The following CNTNAP5 variants were observed in gnomAD, a reference collection of about 807,000 sequenced individuals.
CNTNAP5 encodes contactin associated protein family member 5.
A neutral mutation model predicts 150.2 loss-of-function variants in CNTNAP5; 72 were observed. The ratio of observed to expected loss-of-function variants is 0.48; its 90% confidence interval spans 0.40 to 0.58. The LOEUF is 0.58. Ranked by LOEUF, CNTNAP5 falls within the 20% of genes least tolerant of loss-of-function variation. The pLI is 0.00. For synonymous variants in CNTNAP5, 672 were observed against 619.8 expected (o/e 1.08, Z -1.25); for missense variants, 1,636 against 1,626.2 (o/e 1.01, Z -0.10).
At chr2:124,536,770 G>A (rs1035009291) in intron 10 of CNTNAP5, among the ~76,000 whole-genome samples, 4 of 152,168 alleles carry the variant, frequency 2.6e-5, no homozygotes, top group Middle Eastern at 3.4e-3. Context: ...TGGATTTACG[G>A]GGGTCAAGGA....
intron 3 of CNTNAP5, among the ~76,000 whole-genome samples, chr2:124,410,083 A>T (rs3097575): frequency 0.35 from 52,414 of 151,904 alleles, 10,413 homozygotes; most frequent in African/African-American, 0.54. Context: ...TTGCCATCCT[A>T]GTCTCTGATA....
At chr2:124,677,782 G>C (rs949604784) in intron 13 of CNTNAP5, among the ~76,000 whole-genome samples, 7 of 151,836 alleles carry the variant, frequency 4.6e-5, no homozygotes, top group Non-Finnish European at 7.3e-5. Context: ...GTGCTGATTG[G>C]TGCGTTTACA....
chr2:124,566,740 C>G lies in CNTNAP5; in HGVS notation c.1756+3417C>G, dbSNP rs1015386373. Among the ~76,000 whole-genome samples the G allele has an allele frequency of 3.9e-5, 6 of 152,240 alleles. No individual in the cohort carries two copies. In the East Asian group the frequency reaches 1.2e-3, roughly 29 times the overall value. On this transcript the variant is annotated intron_variant, in intron 11 of 23. Transcript: ENST00000682447. ...TTTGTCCTCCCTCTAACTAATTTCC[C>G]CCTCCCCCAGTTGAATGAGGACCAT...
At chr2:124,667,487 G>A in intron 13 of CNTNAP5, among the ~76,000 whole-genome samples, 1 of 152,218 alleles carries the variant, frequency 6.6e-6, no homozygotes, top group East Asian at 1.9e-4. Flanking sequence ...TTTGGTCAAG[G>A]TAAGTATAAT....
intron 11 of CNTNAP5, among the ~76,000 whole-genome samples, chr2:124,608,799 G>T (rs1440979110): frequency 6.6e-6 from 1 of 151,978 alleles, no homozygotes; most frequent in Non-Finnish European, 1.5e-5. Flanking sequence ...ATAAAAATTA[G>T]CTGGGCGTGG....
At chr2:124,585,669 CTT>C (rs33978614) in intron 11 of CNTNAP5, among the ~76,000 whole-genome samples, 2 of 66,408 alleles carry the variant, frequency 3.0e-5, no homozygotes, top group Admixed American at 1.9e-4. Context: ...GAGCTTGAAG[CTT>C]TTTTTTTTTT....
At chr2:124,620,241 T>A (rs1677583183) in intron 12 of CNTNAP5, among the ~76,000 whole-genome samples, 1 of 152,106 alleles carries the variant, frequency 6.6e-6, no homozygotes, top group Non-Finnish European at 1.5e-5. Context: ...AATTTCTATC[T>A]TTCCCGTTTT....
intron 19 of CNTNAP5, among the ~76,000 whole-genome samples, chr2:124,847,727 G>C (rs191774359): frequency 1.2e-4 from 19 of 152,232 alleles, no homozygotes; most frequent in African/African-American, 4.6e-4. Context: ...CCAAGTGGCG[G>C]CTGCAAGCTA....
At chr2:124,665,747 G>A (rs4848964) in intron 13 of CNTNAP5, among the ~76,000 whole-genome samples, 46,462 of 151,762 alleles carry the variant, frequency 0.31, 7,819 homozygotes, top group Non-Finnish European at 0.38. Context: ...TTAGCCGGGC[G>A]TGGTGGCGGG....
rs1678848979 is a variant in CNTNAP5 at position 124,920,337 on chromosome 2, C to T, written c.*6049C>T. Among the ~76,000 whole-genome samples the T allele has an allele frequency of 6.6e-6, 1 of 152,044 alleles. No homozygotes were observed. The highest frequency in any genetic ancestry group is 1.5e-5 in the Non-Finnish European group (1 of 68,008). ...TGAAAGGCTTTCTCTTTCAAGAAAC[C>T]TTGAAGGGAAAATATTAACGGGCAT... is the stretch of plus-strand genomic sequence containing the variant. On this transcript the variant is annotated 3_prime_UTR_variant, in exon 24 of 24. Coordinates refer to ENST00000682447, the MANE Select transcript of CNTNAP5 (RefSeq NM_001367498.1).
intron 3 of CNTNAP5, among the ~76,000 whole-genome samples, chr2:124,295,370 G>A (rs1688398095): frequency 6.6e-6 from 1 of 152,132 alleles, no homozygotes; most frequent in East Asian, 1.9e-4. Flanking sequence ...CTCAGTTTCA[G>A]CCTTGTATGC....
chr2:124,316,947 G>A (rs1463143797), intron 3 of CNTNAP5, among the ~76,000 whole-genome samples: 32 of 151,918 alleles, frequency 2.1e-4, no homozygotes, highest in Admixed American at 1.9e-3. Context: ...ACTGTATGAG[G>A]TAGGTACAGC....
intron 3 of CNTNAP5, among the ~76,000 whole-genome samples, chr2:124,356,694 T>A (rs1690019355): frequency 6.6e-6 from 1 of 152,114 alleles, no homozygotes; most frequent in Admixed American, 6.5e-5. Flanking sequence ...ATTTTCTTAA[T>A]CCAGCCTATC....
intron 17 of CNTNAP5, among the ~76,000 whole-genome samples, chr2:124,774,793 C>A (rs1365748619): frequency 6.6e-6 from 1 of 152,054 alleles, no homozygotes; most frequent in Non-Finnish European, 1.5e-5. Context: ...AATTTTTTAC[C>A]CTTTCATGCA....
At chr2:124,601,488 A>G (rs1024124345) in intron 11 of CNTNAP5, among the ~76,000 whole-genome samples, 4 of 152,236 alleles carry the variant, frequency 2.6e-5, no homozygotes, top group African/African-American at 9.6e-5. Context: ...GCACTATTAC[A>G]TGAAATGTAA....
intron 1 of CNTNAP5, among the ~76,000 whole-genome samples, chr2:124,218,286 G>A (rs777444048): frequency 6.6e-6 from 1 of 152,070 alleles, no homozygotes; most frequent in African/African-American, 2.4e-5. Flanking sequence ...GCAAAAATAG[G>A]CTTCCATTCC....
intron 1 of CNTNAP5, among the ~76,000 whole-genome samples, chr2:124,191,383 G>A (rs1338239395): frequency 1.3e-5 from 2 of 152,136 alleles, no homozygotes; most frequent in African/African-American, 2.4e-5. Flanking sequence ...GCTTCTTTAA[G>A]AGGTTTTGCT....
intron 13 of CNTNAP5, among the ~76,000 whole-genome samples, chr2:124,707,043 A>AAGAAGAAGAAGAAGGT (rs1679682400): frequency 8.0e-6 from 1 of 125,532 alleles, no homozygotes; most frequent in African/African-American, 3.3e-5. Context: ...AAGAAGAAGG[A>AAGAAGAAGAAGAAGGT]GGAGGAGGAG....
chr2:124,616,546 T>C (rs1420032772), intron 12 of CNTNAP5, among the ~76,000 whole-genome samples: 1 of 152,216 alleles, frequency 6.6e-6, no homozygotes, highest in Non-Finnish European at 1.5e-5. Context: ...TGTTTTGCTT[T>C]CTTATCATTC....
Sources: allele counts gnomAD v4.1 joint callset (sites outside exome capture counted in the v4.1 genomes callset), GRCh38; gene constraint gnomAD v4.1.1; transcripts MANE v1.5; gene names NCBI Gene and HGNC (gene_info 2026-07-23, HGNC 2026-07-21).